Variants in ANKRA2 observed in about 807,000 individuals in gnomAD.
The protein encoded by ANKRA2 is ankyrin repeat family A member 2, also known as ankyrin repeat family A protein 2.
Under a neutral mutation model 37.8 loss-of-function variants are expected in ANKRA2, and 33 were observed. That is an observed-to-expected ratio of 0.87 (90% CI 0.66 to 1.17). The LOEUF (loss-of-function observed/expected upper bound fraction) is 1.17. Ranked by LOEUF, ANKRA2 falls within the 50% of genes most tolerant of loss-of-function variation. The probability of loss-of-function intolerance (pLI) is 0.00; values close to 1 mark genes in which losing one functional copy is unlikely to be tolerated. For missense variants in ANKRA2, 326 were observed against 373.7 expected (o/e 0.87, Z 1.05); for synonymous variants, 126 against 132.3 (o/e 0.95, Z 0.33).
At chr5:73,558,440 T>C (rs1402141173) in intron 3 of ANKRA2, among the ~76,000 whole-genome samples, 2 of 152,238 alleles carry the variant, frequency 1.3e-5, no homozygotes, top group Non-Finnish European at 2.9e-5. Flanking sequence ...ACTGACCCCA[T>C]TGTGGTCTTA....
Position 73,561,233 on chromosome 5 carries a change from G to A in ANKRA2, c.345C>T (p.Tyr115=), listed in dbSNP as rs147245103. 4 of 1,613,204 alleles carry A rather than the reference G, an allele frequency of 2.5e-6. No homozygotes were observed. In the African/African-American group the frequency reaches 5.3e-5, roughly 22 times the overall value. Residue 115 remains tyrosine (Y), a synonymous_variant, in exon 3 of 9, where the codon TAC becomes TAT. Coordinates refer to ENST00000296785, the MANE Select transcript of ANKRA2 (RefSeq NM_023039.5). ...AGAAATGCTTTGTTGTAGAGGGGGT[G>A]TAGACATGCCTTACTTGAATTCCCG... ...PSPGIQVRHV[Y]TPSTTKHFSP...
Position 73,561,165 on chromosome 5 carries a change from CCT to C in ANKRA2, c.411_412del (p.Gly138LysfsTer2), listed in dbSNP as rs763795689. On this transcript the variant is annotated frameshift_variant, in exon 3 of 9. Coordinates refer to ENST00000296785, the MANE Select transcript of ANKRA2 (RefSeq NM_023039.5). LOFTEE classifies it high-confidence loss of function. ...CAGAGGTGTGGTAGAGACCTCATTT[CCT>C]CTGTGTTTGTTGGTTAAAGTGGTTG... 5 of 1,613,814 alleles carry C rather than the reference CCT, an allele frequency of 3.1e-6. No homozygotes were observed. The highest frequency in any genetic ancestry group is 4.2e-6 in the Non-Finnish European group (5 of 1,179,900).
At chr5:73,555,179 C>CAATCCT (rs1437882875) in intron 5 of ANKRA2, 193 bp from the exon 6 acceptor site, 18 of 1,405,862 alleles carry the variant, frequency 1.3e-5, no homozygotes, top group Non-Finnish European at 1.5e-5. Context: ...CGTCCTGTAT[C>CAATCCT]AATCCTAATT....
At chr5:73,562,225 C>T (rs1747576433) in intron 2 of ANKRA2, among the ~76,000 whole-genome samples, 1 of 152,062 alleles carries the variant, frequency 6.6e-6, no homozygotes. Context: ...TCATGTTGGC[C>T]AGGCTGGTCT....
chr5:73,563,628 T>C (rs1357897618), intron 1 of ANKRA2, among the ~76,000 whole-genome samples: 1 of 152,236 alleles, frequency 6.6e-6, no homozygotes, highest in East Asian at 1.9e-4. Flanking sequence ...TAATGTAGGT[T>C]TTCATGAAAA....
At chr5:73,563,113 A>C in intron 1 of ANKRA2, 128 bp from the exon 2 acceptor site, 1 of 354,004 alleles carries the variant, frequency 2.8e-6, no homozygotes, top group Non-Finnish European at 5.1e-6. Context: ...AAAGAATATA[A>C]TGTTCAGAGG....
chr5:73,554,801 C>G lies in ANKRA2; in HGVS notation c.738+60G>C, dbSNP rs985181568. On this transcript the variant is annotated intron_variant, in intron 6 of 8. Coordinates refer to ENST00000296785, the MANE Select transcript of ANKRA2 (RefSeq NM_023039.5). ...TTAATAAAACTTACTGCATCTCTCCCAAACCAAATAAATTCTAAAACTTGC... is the reference window on the plus strand; with the variant it reads ...TTAATAAAACTTACTGCATCTCTCCGAAACCAAATAAATTCTAAAACTTGC... 11 of 1,568,166 alleles carry G rather than the reference C, an allele frequency of 7.0e-6. No individual in the cohort carries two copies. In the Admixed American group the frequency reaches 1.4e-4, roughly 20 times the overall value.
In ANKRA2 at chr5:73,561,215, C is replaced by T. The variant is rs751231703; in HGVS notation, c.363G>A (p.Lys121=). Reference sequence around the variant, plus strand: ...TTGACTGTTTTATGGGTGAGAAATGCTTTGTTGTAGAGGGGGTGTAGACAT... The same window carrying T: ...TTGACTGTTTTATGGGTGAGAAATGTTTTGTTGTAGAGGGGGTGTAGACAT... The part of the protein sequence containing the change: ...VRHVYTPSTT[K]HFSPIKQSTT... Residue 121 remains lysine (K), a synonymous_variant, in exon 3 of 9, where the codon AAG becomes AAA. Transcript: ENST00000296785. 1 of 1,613,496 alleles carries T rather than the reference C, an allele frequency of 6.2e-7. No individual in the cohort carries two copies. Among genetic ancestry groups the T allele is most frequent in the South Asian group, 1.1e-5 (1 of 91,060 alleles).
At chr5:73,562,446 A>T in intron 2 of ANKRA2, 147 bp downstream of exon 2, 1 of 658,922 alleles carries the variant, frequency 1.5e-6, no homozygotes, top group Non-Finnish European at 2.4e-6. Context: ...AAATTATTTT[A>T]ATTTTGGTTT....
chr5:73,558,814 T>G (rs1401849303), intron 3 of ANKRA2, among the ~76,000 whole-genome samples: 1 of 152,216 alleles, frequency 6.6e-6, no homozygotes, highest in Non-Finnish European at 1.5e-5. Flanking sequence ...ATTATAGGCA[T>G]GAGCCACTGC....
At position 73,562,859 on chromosome 5, in the gene ANKRA2, T is replaced by G. The variant is rs530672989; in HGVS notation, c.23A>C (p.Asp8Ala). Residue 8 changes from aspartate (D) to alanine (A), a missense_variant, in exon 2 of 9, where the codon GAT becomes GCT. By Grantham distance (126) the Asp-to-Ala change is moderately radical (BLOSUM62 -2). Coordinates refer to ENST00000296785, the MANE Select transcript of ANKRA2 (RefSeq NM_023039.5). MDTSTNL[D>A]IGAQLIVEEC... ...TTCCACGATAAGCTGGGCTCCAATA[T>G]CCAGATTTGTTGATGTATCCATGAT... is the stretch of plus-strand genomic sequence containing the variant. 1 of 1,609,774 alleles carries G rather than the reference T, an allele frequency of 6.2e-7. No homozygotes were observed. Among genetic ancestry groups the G allele is most frequent in the African/African-American group, 1.3e-5 (1 of 74,908 alleles).
intron 8 of ANKRA2, 97 bp downstream of exon 8, chr5:73,553,309 G>A (rs111592165): frequency 1.0e-5 from 9 of 885,190 alleles, no homozygotes; most frequent in African/African-American, 6.7e-5. Flanking sequence ...GGGATAACAT[G>A]TTTTAGGATT....
rs149320588 is a variant in ANKRA2, at chr5:73,559,424, T to G, written c.448+1706A>C. On this transcript the variant is annotated intron_variant, in intron 3 of 8. Transcript: ENST00000296785. Reference sequence around the variant, plus strand: ...ATAGAAAAACTTCCTCTACAATGATTCTACTTTAAAAAAATTGTGGATTCA... The same window carrying G: ...ATAGAAAAACTTCCTCTACAATGATGCTACTTTAAAAAAATTGTGGATTCA... Among the ~76,000 whole-genome samples the G allele has an allele frequency of 1.8e-3, 267 of 152,254 alleles. 1 individual carries two copies. Among genetic ancestry groups the G allele is most frequent in the African/African-American group, 5.8e-3 (242 of 41,562 alleles).
At position 73,552,606 on chromosome 5, in the gene ANKRA2, C is replaced by A; in HGVS notation, c.*191G>T. ...ACATTAATTTATAATTTTAAATATA[C>A]AGTAAAACATAGTTATAAAAAGAGT... On this transcript the variant is annotated 3_prime_UTR_variant, in exon 9 of 9. Coordinates refer to ENST00000296785, the MANE Select transcript of ANKRA2 (RefSeq NM_023039.5). The A allele has an allele frequency of 2.0e-6, 1 of 494,572 alleles. No individual in the cohort carries two copies. Among genetic ancestry groups the A allele is most frequent in the Non-Finnish European group, 3.5e-6 (1 of 283,616 alleles). 30.6% of individuals were successfully genotyped at this position (494,572 alleles called of 1,614,324 possible).
chr5:73,553,302 A>G (rs890356790), intron 8 of ANKRA2, 104 bp downstream of exon 8: 7 of 810,558 alleles, frequency 8.6e-6, no homozygotes, highest in Admixed American at 2.9e-5. Flanking sequence ...AGGAGTTGGG[A>G]TAACATGTTT....
rs1747283171 is a variant in ANKRA2, at chr5:73,552,613, A to G, written c.*184T>C. 1 of 525,586 alleles carries G rather than the reference A, an allele frequency of 1.9e-6. No individual in the cohort carries two copies. Among genetic ancestry groups the G allele is most frequent in the Admixed American group, 3.9e-5 (1 of 25,648 alleles). The allele number at this position is 525,586 out of a possible 1,614,324, so 32.6% of individuals were successfully genotyped here. A position where few individuals can be genotyped will look rare whatever the true frequency, so the allele number is the denominator to read the frequency against. On this transcript the variant is annotated 3_prime_UTR_variant, in exon 9 of 9. Coordinates refer to ENST00000296785, the MANE Select transcript of ANKRA2 (RefSeq NM_023039.5). Reference sequence around the variant, plus strand: ...TTTATAATTTTAAATATACAGTAAAACATAGTTATAAAAAGAGTATTACAT... The same window carrying G: ...TTTATAATTTTAAATATACAGTAAAGCATAGTTATAAAAAGAGTATTACAT...
intron 7 of ANKRA2, 71 bp downstream of exon 7, chr5:73,554,251 C>T: frequency 1.6e-6 from 2 of 1,242,634 alleles, no homozygotes; most frequent in Non-Finnish European, 2.3e-6. Flanking sequence ...CTGAGTAGTA[C>T]CAGGGGAGGC....
intron 1 of ANKRA2, among the ~76,000 whole-genome samples, chr5:73,563,469 A>G (rs948608222): frequency 2.0e-5 from 3 of 152,358 alleles, no homozygotes; most frequent in Admixed American, 1.3e-4. Flanking sequence ...TGAATTTAAG[A>G]AATGATAATT....
At chr5:73,564,995 TAG>T (rs1183487534) in intron 1 of ANKRA2, 135 bp downstream of exon 1, 1 of 152,122 alleles carries the variant, frequency 6.6e-6, no homozygotes, top group Admixed American at 6.6e-5. Flanking sequence ...GATGAAGGGA[TAG>T]AGAGTCTACG....
Sources: gnomAD v4.1 joint callset for allele counts (sites outside exome capture counted in the v4.1 genomes callset) on GRCh38, gnomAD v4.1.1 for gene constraint, MANE v1.5 for transcripts, NCBI Gene and HGNC (gene_info 2026-07-23, HGNC 2026-07-21) for gene names.